Variants in SPRED2 observed in about 807,000 individuals in gnomAD.
The protein encoded by SPRED2 is sprouty related EVH1 domain containing 2, also known as sprouty-related, EVH1 domain-containing protein 2.
Under a neutral mutation model 43.0 loss-of-function variants are expected in SPRED2, and 47 were observed. The ratio of observed to expected loss-of-function variants is 1.09; its 90% CI spans 0.87 to 1.40. The LOEUF is 1.40. Among genes scored for constraint, SPRED2 ranks in the 40% most tolerant of loss-of-function variants. SPRED2 has a pLI of 0.00. For missense variants in SPRED2, 561 were observed against 586.4 expected, an observed-to-expected ratio of 0.96 and a Z score of 0.45; for synonymous variants, 225 against 225.7, an observed-to-expected ratio of 1.00 and a Z score of 0.03.
intron 1 of SPRED2, among the ~76,000 whole-genome samples, chr2:65,414,228 A>C (rs563318482): frequency 6.6e-6 from 1 of 152,344 alleles, no homozygotes; most frequent in East Asian, 1.9e-4. Context: ...GTGATTCTTA[A>C]TTTCATCTGC....
chr2:65,384,113 C>T (rs1240230363), intron 1 of SPRED2, among the ~76,000 whole-genome samples: 1 of 152,088 alleles, frequency 6.6e-6, no homozygotes, highest in Non-Finnish European at 1.5e-5. Flanking sequence ...CTAGAAGCCT[C>T]AGCCACCTGC....
At chr2:65,366,509 A>C in intron 1 of SPRED2, 1 of 1,442,204 alleles carries the variant, frequency 6.9e-7, no homozygotes, top group Non-Finnish European at 9.5e-7. Flanking sequence ...CCTTTAAAAA[A>C]ATGCTAAAAG....
At position 65,376,849 on chromosome 2, in the gene SPRED2, G is replaced by A. The variant is rs1675250942; in HGVS notation, c.27-31953C>T. ...CCTGCCTCAGCCTCCTGAGTAGCTG[G>A]GACTACAGACGCCCGCCACCATGCC... is the stretch of plus-strand genomic sequence containing the variant. On this transcript the variant is annotated intron_variant, in intron 1 of 5. Coordinates refer to ENST00000356388, the MANE Select transcript of SPRED2 (RefSeq NM_181784.3). Among the ~76,000 whole-genome samples, 2 of 152,046 alleles carry A rather than the reference G, an allele frequency of 1.3e-5. 1 individual carries two copies. Among genetic ancestry groups the A allele is most frequent in the South Asian group, 4.2e-4 (2 of 4,810 alleles).
At chr2:65,356,820 C>T (rs1207110096) in intron 1 of SPRED2, among the ~76,000 whole-genome samples, 3 of 151,952 alleles carry the variant, frequency 2.0e-5, no homozygotes, top group Middle Eastern at 3.4e-3. Flanking sequence ...GGTGAAACCC[C>T]GTCTCTACTA....
rs1052891696 is a variant in SPRED2 at position 65,342,419 on chromosome 2, GTATAT to G, written c.204+2295_204+2299del. ...ATATATGTATGTATATTTTGTATAC[GTATAT>G]TATATGTATGTATATTTTGTATATA... On this transcript the variant is annotated intron_variant, in intron 2 of 5. Transcript: ENST00000356388. Among the ~76,000 whole-genome samples, 13 of 146,962 alleles carry G rather than the reference GTATAT, an allele frequency of 8.8e-5. No homozygotes were observed. The South Asian group carries it at 1.1e-3, about 12-fold the overall frequency.
chr2:65,391,515 T>C (rs1429372566), intron 1 of SPRED2, among the ~76,000 whole-genome samples: 1 of 152,198 alleles, frequency 6.6e-6, no homozygotes, highest in African/African-American at 2.4e-5. Context: ...GTATTGCCCA[T>C]CTTATTAACA....
intron 1 of SPRED2, among the ~76,000 whole-genome samples, chr2:65,417,373 C>A (rs1339710993): frequency 6.6e-6 from 1 of 152,198 alleles, no homozygotes; most frequent in East Asian, 1.9e-4. Context: ...CCCTTCCCTG[C>A]CTCCACTCCC....
rs143423395 is a variant in SPRED2 at position 65,407,173 on chromosome 2, C to T, written c.26+24789G>A. On this transcript the variant is annotated intron_variant, in intron 1 of 5. Transcript: ENST00000356388. ...CGATCTCCTGACCCCATGATCTGCC[C>T]GCCTTGGCCTCCCAAAGTGCTGGAA... 3.2e-3 allele frequency among the ~76,000 whole-genome samples: 493 copies of T among 151,848 alleles called. 3 individuals are homozygous for T. The highest frequency in any genetic ancestry group is 0.011 in the African/African-American group (456 of 41,360).
chr2:65,406,588 A>C (rs1676028849), intron 1 of SPRED2, among the ~76,000 whole-genome samples: 1 of 152,152 alleles, frequency 6.6e-6, no homozygotes, highest in African/African-American at 2.4e-5. Context: ...CTGACATTCC[A>C]CCTCTGGGGG....
chr2:65,369,179 T>C (rs754520192), intron 1 of SPRED2, among the ~76,000 whole-genome samples: 7 of 152,166 alleles, frequency 4.6e-5, no homozygotes, highest in Non-Finnish European at 7.4e-5. Context: ...TTTACCAAAG[T>C]GTTAACACTG....
intron 4 of SPRED2, among the ~76,000 whole-genome samples, chr2:65,327,969 A>G (rs986874951): frequency 4.0e-5 from 6 of 151,636 alleles, no homozygotes; most frequent in Non-Finnish European, 7.4e-5. Context: ...TGATCCGCCC[A>G]CCTTGGCCTC....
At chr2:65,419,022 C>G (rs1177248876) in intron 1 of SPRED2, among the ~76,000 whole-genome samples, 1 of 152,066 alleles carries the variant, frequency 6.6e-6, no homozygotes. Flanking sequence ...GATGAGAAAA[C>G]TGAGTCTAGG....
At chr2:65,348,764 C>A (rs1674423550) in intron 1 of SPRED2, among the ~76,000 whole-genome samples, 1 of 149,826 alleles carries the variant, frequency 6.7e-6, no homozygotes, top group Non-Finnish European at 1.5e-5. Flanking sequence ...CTGCACTCCA[C>A]CCTGGGCAAC....
intron 1 of SPRED2, among the ~76,000 whole-genome samples, chr2:65,423,160 G>C (rs1170839123): frequency 6.6e-6 from 1 of 152,186 alleles, no homozygotes; most frequent in Non-Finnish European, 1.5e-5. Context: ...CATTCAAGTA[G>C]ACAAAACATG....
intron 1 of SPRED2, among the ~76,000 whole-genome samples, chr2:65,430,819 AG>A (rs1229607039): frequency 6.6e-6 from 1 of 151,534 alleles, no homozygotes; most frequent in Non-Finnish European, 1.5e-5. Flanking sequence ...TGTGCAGGGG[AG>A]GAGGGGAGGG....
At chr2:65,336,274 G>A (rs1208288287) in intron 2 of SPRED2, among the ~76,000 whole-genome samples, 1 of 152,146 alleles carries the variant, frequency 6.6e-6, no homozygotes, top group Admixed American at 6.5e-5. Context: ...AGGAACGCTT[G>A]AGCCTGGGAG....
Position 65,334,740 on chromosome 2 carries a change from C to A in SPRED2, c.238G>T (p.Val80Phe). Residue 80 changes from valine (V) to phenylalanine (F), a missense_variant, in exon 3 of 6, where the codon GTC (valine) becomes TTC (phenylalanine). Around this residue, in one of 6 missense-constraint regions of SPRED2, gnomAD observed 305 missense variants for 282.4 expected, o/e 1.08. Coordinates refer to ENST00000356388, the MANE Select transcript of SPRED2 (RefSeq NM_181784.3). ...VLECYVRKDL[V>F]YTKANPTFHH... ...AACGTTGGATTGGCTTTGGTGTAGA[C>A]CAAGTCCTTTCTTACATAGCATTCC... 1 of 1,614,166 alleles carries A rather than the reference C, an allele frequency of 6.2e-7. No homozygotes were observed. Among genetic ancestry groups the A allele is most frequent in the Non-Finnish European group, 8.5e-7 (1 of 1,180,044 alleles).
At chr2:65,335,372 T>A (rs1360116858) in intron 2 of SPRED2, among the ~76,000 whole-genome samples, 1 of 152,238 alleles carries the variant, frequency 6.6e-6, no homozygotes, top group Non-Finnish European at 1.5e-5. Flanking sequence ...GATCTGGGTC[T>A]CTATTAACTT....
chr2:65,337,016 G>C (rs1673985545), intron 2 of SPRED2, among the ~76,000 whole-genome samples: 1 of 152,136 alleles, frequency 6.6e-6, no homozygotes. Context: ...GCTGAGGCAG[G>C]AGAATAGCGT....
Sources: allele counts gnomAD v4.1 joint callset (sites outside exome capture counted in the v4.1 genomes callset), GRCh38; gene constraint gnomAD v4.1.1; regional missense constraint gnomAD v4.1.1; transcripts MANE v1.5; gene names NCBI Gene and HGNC (gene_info 2026-07-23, HGNC 2026-07-21).